CEACAM21: variants seen among roughly 807,000 people sequenced by gnomAD.
The protein encoded by CEACAM21 is CEA cell adhesion molecule 21, also known as cell adhesion molecule CEACAM21.
Under a neutral mutation model 33.2 loss-of-function variants are expected in CEACAM21, and 38 were observed. The observed-to-expected ratio is 1.14, with a 90% CI of 0.88 to 1.50. The LOEUF (loss-of-function observed/expected upper bound fraction) is 1.50, where lower values mean the gene tolerates loss of function less well. CEACAM21 is among the 40% of genes most tolerant of loss of function. CEACAM21 has a pLI of 0.00. For synonymous variants in CEACAM21, 156 were observed against 143.0 expected (o/e 1.09, Z -0.65); for missense variants, 385 against 364.6 (o/e 1.06, Z -0.46).
chr19:41,577,618 G>A (rs1555791835), intron 2 of CEACAM21, 59 bp downstream of exon 2: 3 of 1,600,786 alleles, frequency 1.9e-6, no homozygotes, highest in African/African-American at 2.7e-5. Context: ...ACATACGCAG[G>A]ATTGTCAGGC....
At chr19:41,575,100 A>G (rs1383751225), upstream of CEACAM21, among the ~76,000 whole-genome samples, 1 of 152,248 alleles carries the variant, frequency 6.6e-6, no homozygotes, top group South Asian at 2.1e-4. Context: ...TAATACACGT[A>G]TATAATTCCT....
At chr19:41,569,176 G>C (rs2042444226) in intron 2 of CEACAM21, among the ~76,000 whole-genome samples, 1 of 151,698 alleles carries the variant, frequency 6.6e-6, no homozygotes, top group Non-Finnish European at 1.5e-5. Context: ...TGGTTGATTA[G>C]AGTTAACAAT....
rs556100299 is a variant in CEACAM21 at position 41,586,330 on chromosome 19, G to A, written c.*1-134G>A. ...CAGGAGGTGGTGAGCAGAGGAGGGA[G>A]GGGCCTGGGAGCAGGAACCCCCTGA... On this transcript the variant is annotated intron_variant, in intron 6 of 6. Coordinates refer to ENST00000401445, the MANE Select transcript of CEACAM21 (RefSeq NM_001098506.4). The A allele has an allele frequency of 2.9e-5, 17 of 589,130 alleles. No homozygotes were observed. The African/African-American group carries it at 3.1e-4, about 11-fold the overall frequency. The allele number at this position is 589,130 out of a possible 1,614,324, so 36.5% of individuals were successfully genotyped here. A position where few individuals can be genotyped will look rare whatever the true frequency, so the allele number is the denominator to read the frequency against.
At chr19:41,573,031 T>A (rs2042711070), upstream of CEACAM21, among the ~76,000 whole-genome samples, 1 of 152,048 alleles carries the variant, frequency 6.6e-6, no homozygotes, top group Non-Finnish European at 1.5e-5. Flanking sequence ...CTGTGCCAGG[T>A]AGACCAAGCT....
At chr19:41,549,838 A>G (rs1040655566) in intron 1 of CEACAM21, among the ~76,000 whole-genome samples, 7 of 152,016 alleles carry the variant, frequency 4.6e-5, no homozygotes, top group Admixed American at 6.6e-5. Flanking sequence ...GACTCTAGGC[A>G]TTTGCCACCG....
At chr19:41,584,554 C>T (rs2070573949) in intron 4 of CEACAM21, 111 bp downstream of exon 4, 5 of 930,278 alleles carry the variant, frequency 5.4e-6, no homozygotes, top group Non-Finnish European at 8.4e-6. Context: ...CTCCCGACTC[C>T]CCAGGGATCC....
chr19:41,556,637 G>A (rs370631886), intron 1 of CEACAM21, among the ~76,000 whole-genome samples: 12 of 152,088 alleles, frequency 7.9e-5, no homozygotes, highest in East Asian at 5.8e-4. Flanking sequence ...AGGTAAAAAA[G>A]TCAAATGCCA....
At position 41,584,841 on chromosome 19, in the gene CEACAM21, C is replaced by A. The variant is rs149149347; in HGVS notation, c.797+398C>A. The stretch of plus-strand genomic sequence containing the variant: ...ATAGTGGAGACTGGAACAGCCTGGA[C>A]GGGCTGGGTGGGGTCAGCACCCCTT... On this transcript the variant is annotated intron_variant, in intron 4 of 6. Transcript: ENST00000401445. 4.5e-4 allele frequency among the ~76,000 whole-genome samples: 68 copies of A among 152,286 alleles called. No homozygotes were observed. The South Asian group carries it at 7.5e-3, about 17-fold the overall frequency.
At chr19:41,572,796 T>A (rs928788478), upstream of CEACAM21, among the ~76,000 whole-genome samples, 22 of 152,084 alleles carry the variant, frequency 1.4e-4, no homozygotes, top group Non-Finnish European at 2.9e-4. Context: ...TTCCCACACA[T>A]GGCAAGCACT....
At chr19:41,583,569 A>G (rs1355778895) in intron 3 of CEACAM21, among the ~76,000 whole-genome samples, 1 of 152,234 alleles carries the variant, frequency 6.6e-6, no homozygotes, top group African/African-American at 2.4e-5. Context: ...TCACAATTCC[A>G]CATGGCTGGA....
upstream of CEACAM21, among the ~76,000 whole-genome samples, chr19:41,572,926 A>G (rs1179920247): frequency 2.0e-5 from 3 of 152,098 alleles, no homozygotes; most frequent in East Asian, 1.9e-4. Flanking sequence ...CTCAACATCA[A>G]TCTGGTGAAG....
intron 1 of CEACAM21, among the ~76,000 whole-genome samples, chr19:41,558,873 C>A (rs1362244485): frequency 6.6e-6 from 1 of 152,096 alleles, no homozygotes; most frequent in South Asian, 2.1e-4. Context: ...CAACATACTG[C>A]TTTAGTAAGC....
Position 41,584,459 on chromosome 19 carries a change from C to G in CEACAM21, c.797+16C>G. 6.3e-7 allele frequency: 1 copy of G among 1,591,778 alleles called. No individual in the cohort carries two copies. Among genetic ancestry groups the G allele is most frequent in the Admixed American group, 1.8e-5 (1 of 56,652 alleles). Reference sequence around the variant, plus strand: ...AAACTGGCAGGTACCACAGCTTTTCCCCATTCTGCTCCCATCCTTCACGCT... The same window carrying G: ...AAACTGGCAGGTACCACAGCTTTTCGCCATTCTGCTCCCATCCTTCACGCT... On this transcript the variant is annotated intron_variant, in intron 4 of 6. Transcript: ENST00000401445.
chr19:41,551,449 C>T (rs1555784213), intron 1 of CEACAM21: 1 of 152,222 alleles, frequency 6.6e-6, no homozygotes, highest in African/African-American at 2.4e-5. Context: ...TGGGCTACCA[C>T]GTTCAGCCAT....
chr19:41,559,254 C>G (rs557289796), intron 1 of CEACAM21, among the ~76,000 whole-genome samples: 5 of 152,152 alleles, frequency 3.3e-5, no homozygotes, highest in African/African-American at 1.2e-4. Context: ...GGCCACTGTG[C>G]TAAATTAGAA....
intron 1 of CEACAM21, among the ~76,000 whole-genome samples, chr19:41,553,163 C>G (rs1437798689): frequency 6.6e-6 from 1 of 152,044 alleles, no homozygotes; most frequent in Non-Finnish European, 1.5e-5. Context: ...TGCTCTGTCA[C>G]CCAGGCTGTC....
upstream of CEACAM21, among the ~76,000 whole-genome samples, chr19:41,574,723 C>T (rs1181580146): frequency 2.0e-5 from 3 of 151,946 alleles, no homozygotes; most frequent in African/African-American, 7.3e-5. Context: ...AAAATGGAAC[C>T]CTCGTATATT....
At chr19:41,569,293 C>A (rs2042453253) in intron 2 of CEACAM21, among the ~76,000 whole-genome samples, 1 of 151,946 alleles carries the variant, frequency 6.6e-6, no homozygotes, top group Admixed American at 6.6e-5. Context: ...AACTCACTGC[C>A]AACTCAGCCT....
At chr19:41,577,670 TG>T in intron 2 of CEACAM21, 111 bp downstream of exon 2, 2 of 1,509,182 alleles carry the variant, frequency 1.3e-6, no homozygotes, top group Non-Finnish European at 1.8e-6. Flanking sequence ...CGTCCCATGT[TG>T]GGGTTTGGGC....
Sources: gnomAD v4.1 joint callset for allele counts (sites outside exome capture counted in the v4.1 genomes callset) on GRCh38, gnomAD v4.1.1 for gene constraint, MANE v1.5 for transcripts, NCBI Gene and HGNC (gene_info 2026-07-23, HGNC 2026-07-21) for gene names.